The following OTOGL variants were observed in gnomAD, a reference collection of about 807,000 sequenced individuals.
OTOGL encodes the protein otogelin like.
Under a neutral mutation model 318.5 loss-of-function variants are expected in OTOGL, and 285 were observed. That is an observed-to-expected ratio of 0.89 (90% CI 0.81 to 0.99). OTOGL has a LOEUF of 0.99. Among genes scored for constraint, OTOGL ranks in the 50% least tolerant of loss-of-function variants. The pLI, the probability that OTOGL is intolerant of heterozygous loss-of-function variation, is 0.00. For synonymous variants in OTOGL, 987 were observed against 936.5 expected (o/e 1.05, Z -0.99); for missense variants, 2,899 against 2,845.6 (o/e 1.02, Z -0.43).
chr12:80,350,272 A>G (rs1889463303), intron 44 of OTOGL, among the ~76,000 whole-genome samples: 1 of 152,128 alleles, frequency 6.6e-6, no homozygotes, highest in East Asian at 1.9e-4. Context: ...TCCATTGTGT[A>G]TATTTACCAA....
chr12:80,378,023 T>G lies in OTOGL; in HGVS notation c.7037T>G (p.Ile2346Arg). ...TEIMYTLQEP[I>R]DCTCQWN ...ATTATGTACACTCTCCAGGAACCCA[T>G]AGACTGTACGTGCCAGTGGAATTAA... Residue 2346 changes from isoleucine to arginine, a missense_variant, in exon 59 of 59, where the codon ATA becomes AGA. Around this residue, in one of 3 missense-constraint regions of OTOGL, gnomAD observed 289 missense variants for 304.6 expected, o/e 0.95. Transcript: ENST00000547103. The G allele has an allele frequency of 1.3e-6, 2 of 1,587,454 alleles. No homozygotes were observed. The highest frequency in any genetic ancestry group is 1.1e-5 in the South Asian group (1 of 87,572).
At chr12:80,336,593 A>T (rs371611350) in intron 40 of OTOGL, 38 bp downstream of exon 40, 81 of 1,572,684 alleles carry the variant, frequency 5.2e-5, no homozygotes, top group Non-Finnish European at 6.8e-5. Context: ...TTTCATCATA[A>T]ATCTATAGCT....
intron 1 of OTOGL, among the ~76,000 whole-genome samples, chr12:80,158,697 T>C (rs1873293013): frequency 6.6e-6 from 1 of 152,130 alleles, no homozygotes; most frequent in Non-Finnish European, 1.5e-5. Flanking sequence ...CCTGAAACTT[T>C]TCTGAATTCA....
intron 28 of OTOGL, among the ~76,000 whole-genome samples, chr12:80,304,440 A>G (rs1286090106): frequency 6.6e-6 from 1 of 152,182 alleles, no homozygotes; most frequent in Non-Finnish European, 1.5e-5. Context: ...CCTGAAATTG[A>G]GACTGAGACT....
chr12:80,256,144 GC>G (rs144303837), intron 16 of OTOGL, among the ~76,000 whole-genome samples, 192 bp from the exon 17 acceptor site: 1,591 of 152,058 alleles, frequency 0.01, 30 homozygotes, highest in African/African-American at 0.036. Flanking sequence ...TTATATATCA[GC>G]TACTTTATTA....
At chr12:80,225,132 G>A (rs539583850) in intron 7 of OTOGL, among the ~76,000 whole-genome samples, 38 of 151,880 alleles carry the variant, frequency 2.5e-4, no homozygotes, top group Non-Finnish European at 4.6e-4. Flanking sequence ...TCACTTATGG[G>A]GCATAAGAAT....
rs1265389804 is a variant in OTOGL, at chr12:80,309,941, T to G, written c.3334-670T>G. Among the ~76,000 whole-genome samples, 3 of 151,996 alleles carry G rather than the reference T, an allele frequency of 2.0e-5. No individual in the cohort carries two copies. In the East Asian group the frequency reaches 5.8e-4, roughly 29 times the overall value. ...TGTACCGAATGAGAAAAATAGAGGT[T>G]TGAGGATTAAGCTTTGCAAAGAGAG... On this transcript the variant is annotated intron_variant, in intron 29 of 58. Transcript: ENST00000547103.
intron 55 of OTOGL, 103 bp from the exon 56 acceptor site, chr12:80,370,467 C>T: frequency 1.0e-6 from 1 of 1,003,270 alleles, no homozygotes; most frequent in South Asian, 2.8e-5. Flanking sequence ...CACAAGAAGC[C>T]TTTGCATCTT....
chr12:80,327,867 G>A (rs1355849318), intron 35 of OTOGL, among the ~76,000 whole-genome samples: 2 of 148,172 alleles, frequency 1.3e-5, no homozygotes, highest in Non-Finnish European at 3.0e-5. Context: ...GCTGAGGCAG[G>A]AGAATGGCAT....
chr12:80,140,375 T>A (rs1418916578), intron 1 of OTOGL, among the ~76,000 whole-genome samples: 3 of 152,234 alleles, frequency 2.0e-5, no homozygotes, highest in Non-Finnish European at 4.4e-5. Context: ...TGAAACAGAT[T>A]GCTTTTGATG....
intron 52 of OTOGL, among the ~76,000 whole-genome samples, chr12:80,359,529 T>C (rs958299198): frequency 3.3e-5 from 5 of 152,184 alleles, no homozygotes; most frequent in Admixed American, 3.3e-4. Context: ...ACAAAGACAT[T>C]TTACTTTTCT....
intron 22 of OTOGL, 122 bp downstream of exon 22, chr12:80,267,449 C>T (rs574622146): frequency 6.5e-5 from 25 of 382,914 alleles, no homozygotes; most frequent in Admixed American, 5.1e-4. Context: ...ATGTGTACAA[C>T]GTGCAGGTTT....
chr12:80,149,280 C>G (rs994657046), intron 1 of OTOGL, among the ~76,000 whole-genome samples: 14 of 151,852 alleles, frequency 9.2e-5, no homozygotes, highest in African/African-American at 3.1e-4. Context: ...ACAGACAGGA[C>G]CCTCAGCTGC....
At chr12:80,103,133 A>C (rs937761887) in intron 1 of OTOGL, 7 of 1,153,472 alleles carry the variant, frequency 6.1e-6, no homozygotes, top group Admixed American at 1.7e-5. Flanking sequence ...CCACTTTGCC[A>C]ATTTGCTGAC....
At chr12:80,211,212 C>A (rs139914769) in intron 3 of OTOGL, among the ~76,000 whole-genome samples, 2,278 of 151,744 alleles carry the variant, frequency 0.015, 22 homozygotes, top group Non-Finnish European at 0.024. Flanking sequence ...ATAATATTAT[C>A]CTTTACATTA....
chr12:80,320,370 A>G (rs779517184), intron 33 of OTOGL, 52 bp from the exon 34 acceptor site: 234 of 1,500,406 alleles, frequency 1.6e-4, no homozygotes, highest in Non-Finnish European at 2.0e-4. Context: ...TGTGATGCCA[A>G]TGTTGATGAT....
chr12:80,134,863 A>G (rs1871452002), intron 1 of OTOGL, among the ~76,000 whole-genome samples: 1 of 152,178 alleles, frequency 6.6e-6, no homozygotes, highest in South Asian at 2.1e-4. Context: ...TCTGCATATC[A>G]GATTTTTCTG....
chr12:80,202,214 G>A (rs1051247966), intron 1 of OTOGL, among the ~76,000 whole-genome samples: 3 of 151,798 alleles, frequency 2.0e-5, no homozygotes, highest in African/African-American at 4.8e-5. Context: ...TTCTGTTCCC[G>A]TTCGGGTTTT....
At chr12:80,125,896 A>AT (rs1277696058) in intron 1 of OTOGL, among the ~76,000 whole-genome samples, 4 of 151,904 alleles carry the variant, frequency 2.6e-5, no homozygotes, top group Admixed American at 6.6e-5. Flanking sequence ...CCCCTTTATC[A>AT]TTTTTTTATT....
Sources: allele counts gnomAD v4.1 joint callset (sites outside exome capture counted in the v4.1 genomes callset), GRCh38; gene constraint gnomAD v4.1.1; regional missense constraint gnomAD v4.1.1; transcripts MANE v1.5; gene names NCBI Gene and HGNC (gene_info 2026-07-23, HGNC 2026-07-21).